The following USH2A variants were observed in gnomAD, a reference collection of about 807,000 sequenced individuals.
USH2A encodes the protein usherin.
USH2A carries 443 observed loss-of-function variants against 538.9 expected under a neutral mutation model. That is an observed-to-expected ratio of 0.82 (90% CI 0.76 to 0.89). The LOEUF (loss-of-function observed/expected upper bound fraction) is 0.89. Among genes scored for constraint, USH2A ranks in the 40% least tolerant of loss-of-function variants. USH2A has a pLI of 0.00. For synonymous variants in USH2A, 2,413 were observed against 2,273.5 expected, an observed-to-expected ratio of 1.06 and a Z score of -1.75; for missense variants, 6,633 against 6,324.8, an observed-to-expected ratio of 1.05 and a Z score of -1.65.
intron 47 of USH2A, among the ~76,000 whole-genome samples, chr1:215,818,929 C>T (rs558476267): frequency 6.6e-6 from 1 of 151,698 alleles, no homozygotes; most frequent in Non-Finnish European, 1.5e-5. Context: ...GCAAAGAAAA[C>T]CTCCTTTTTG....
At chr1:215,979,546 T>C (rs1337652462) in intron 35 of USH2A, among the ~76,000 whole-genome samples, 1 of 152,168 alleles carries the variant, frequency 6.6e-6, no homozygotes, top group South Asian at 2.1e-4. Flanking sequence ...AACAGTGAGA[T>C]GGTTAAAAAT....
At chr1:216,174,569 A>T in intron 21 of USH2A, 1 of 982,042 alleles carries the variant, frequency 1.0e-6, no homozygotes, top group Non-Finnish European at 1.2e-6. Context: ...CATTTTTAAA[A>T]ATATTGCATT....
chr1:215,755,072 T>C lies in USH2A; in HGVS notation c.11389+3523A>G, dbSNP rs115116897. Among the ~76,000 whole-genome samples, 219 of 152,308 alleles carry C rather than the reference T, an allele frequency of 1.4e-3. 3 individuals are homozygous for C. Among genetic ancestry groups the C allele is most frequent in the African/African-American group, 5.2e-3 (216 of 41,578 alleles). On this transcript the variant is annotated intron_variant, in intron 58 of 71. Coordinates refer to ENST00000307340, the MANE Select transcript of USH2A (RefSeq NM_206933.4). ...TCCCAGAATCATTTGGTTTCAGCAATACCTAGATCTGTTCCTTGGTCCTCT... is the reference window on the plus strand; with the variant it reads ...TCCCAGAATCATTTGGTTTCAGCAACACCTAGATCTGTTCCTTGGTCCTCT...
At chr1:216,393,176 A>T (rs998599019) in intron 3 of USH2A, among the ~76,000 whole-genome samples, 13 of 152,204 alleles carry the variant, frequency 8.5e-5, no homozygotes, top group African/African-American at 3.1e-4. Context: ...TGGCTTTTAC[A>T]CATGATCTTC....
At chr1:216,259,385 T>C (rs1428518982) in intron 11 of USH2A, among the ~76,000 whole-genome samples, 1 of 152,106 alleles carries the variant, frequency 6.6e-6, no homozygotes, top group Non-Finnish European at 1.5e-5. Flanking sequence ...TCAATTGAAA[T>C]GGAATATTTC....
At chr1:216,037,464 A>G (rs2030039713) in intron 32 of USH2A, among the ~76,000 whole-genome samples, 1 of 152,120 alleles carries the variant, frequency 6.6e-6, no homozygotes, top group African/African-American at 2.4e-5. Context: ...CTTTGAGTGA[A>G]CCACTTCCAC....
chr1:216,086,671 CTA>C (rs1558251616), intron 24 of USH2A, 46 bp downstream of exon 24: 1 of 1,346,434 alleles, frequency 7.4e-7, no homozygotes, highest in Non-Finnish European at 1.1e-6. Context: ...TAAACAGGTT[CTA>C]TTCTAAGTTT....
At chr1:215,846,827 G>T (rs1046639688) in intron 44 of USH2A, among the ~76,000 whole-genome samples, 1 of 152,030 alleles carries the variant, frequency 6.6e-6, no homozygotes, top group African/African-American at 2.4e-5. Context: ...TTTTTAACTT[G>T]CTAACAACAT....
chr1:216,181,267 T>C (rs972275481), intron 20 of USH2A, among the ~76,000 whole-genome samples: 1 of 152,138 alleles, frequency 6.6e-6, no homozygotes, highest in Non-Finnish European at 1.5e-5. Context: ...GGCTTGATTA[T>C]GTCTAGGACC....
rs777682016 is a variant in USH2A at position 216,364,983 on chromosome 1, C to T, written c.754G>A (p.Gly252Ser). The change falls in exon 4 of 72, where the codon GGT becomes AGT. Residue 252 changes from glycine to serine, a missense_variant. By Grantham distance (56) the Gly-to-Ser change is moderately conservative. Transcript: ENST00000307340. ...AAACTCTGTCCTATTTGCACAGTAC[C>T]AGATGCAAAATCTGTAATTGAACCA... Reference protein sequence around the residue: ...LSGSITDFASGTVQIGQSLNG... With the variant: ...LSGSITDFASSTVQIGQSLNG... 2 of 1,613,498 alleles carry T rather than the reference C, an allele frequency of 1.2e-6. No individual in the cohort carries two copies. The highest frequency in any genetic ancestry group is 1.7e-6 in the Non-Finnish European group (2 of 1,179,730).
chr1:216,039,252 A>C (rs2030154434), intron 32 of USH2A, among the ~76,000 whole-genome samples: 1 of 152,056 alleles, frequency 6.6e-6, no homozygotes. Flanking sequence ...ACTATTCTGG[A>C]GTCTCTGGTC....
At chr1:216,207,984 C>A in intron 15 of USH2A, among the ~76,000 whole-genome samples, 1 of 152,034 alleles carries the variant, frequency 6.6e-6, no homozygotes, top group East Asian at 1.9e-4. Flanking sequence ...TTTGAATATA[C>A]TATATGAATG....
chr1:215,866,902 CT>C, intron 44 of USH2A, 104 bp downstream of exon 44: 2 of 1,509,528 alleles, frequency 1.3e-6, no homozygotes, highest in Non-Finnish European at 1.8e-6. Context: ...ACCAGTAACA[CT>C]TCACTATCAA....
At chr1:216,009,521 A>G (rs1006844128) in intron 32 of USH2A, among the ~76,000 whole-genome samples, 5 of 152,104 alleles carry the variant, frequency 3.3e-5, no homozygotes, top group Non-Finnish European at 7.4e-5. Flanking sequence ...TCTTTTACAC[A>G]TCGGTCCCTT....
intron 63 of USH2A, among the ~76,000 whole-genome samples, chr1:215,671,837 A>G (rs896222574): frequency 5.3e-5 from 8 of 151,964 alleles, no homozygotes; most frequent in Non-Finnish European, 8.8e-5. Flanking sequence ...AAGGAACATC[A>G]TGGAATGATC....
intron 11 of USH2A, among the ~76,000 whole-genome samples, chr1:216,275,146 CTCTT>C (rs1042806207): frequency 5.9e-5 from 9 of 151,968 alleles, no homozygotes; most frequent in African/African-American, 1.9e-4. Flanking sequence ...CTCTCTCTCT[CTCTT>C]TTTTTTTGGA....
chr1:216,050,580 C>CCTTTCCT (rs1255394896), intron 30 of USH2A, among the ~76,000 whole-genome samples: 1 of 30,356 alleles, frequency 3.3e-5, no homozygotes, highest in African/African-American at 8.7e-5. Context: ...TTCTTTCTTT[C>CCTTTCCT]TTTCTTTCTT....
At chr1:216,034,206 A>G (rs1669192755) in intron 32 of USH2A, among the ~76,000 whole-genome samples, 1 of 152,210 alleles carries the variant, frequency 6.6e-6, no homozygotes, top group African/African-American at 2.4e-5. Flanking sequence ...AGATCACACC[A>G]GAGCTTGAAC....
chr1:216,164,052 T>C (rs1252534431), intron 21 of USH2A, among the ~76,000 whole-genome samples: 4 of 152,118 alleles, frequency 2.6e-5, no homozygotes, highest in Non-Finnish European at 4.4e-5. Context: ...CTTAATTACA[T>C]GTTTGATGCA....
Sources: gnomAD v4.1 joint callset for allele counts (sites outside exome capture counted in the v4.1 genomes callset) on GRCh38, gnomAD v4.1.1 for gene constraint, MANE v1.5 for transcripts, NCBI Gene and HGNC (gene_info 2026-07-23, HGNC 2026-07-21) for gene names.